PCDHGA9: variants seen among roughly 807,000 people sequenced by gnomAD.
PCDHGA9 encodes the protein protocadherin gamma-A9.
A neutral mutation model predicts 62.5 loss-of-function variants in PCDHGA9; 37 were observed. That is an observed-to-expected ratio of 0.59 (90% CI 0.46 to 0.78). The LOEUF is 0.78. Among genes scored for constraint, PCDHGA9 ranks in the 30% least tolerant of loss-of-function variants. The probability of loss-of-function intolerance (pLI) is 0.00; values close to 1 mark genes in which losing one functional copy is unlikely to be tolerated. For missense variants in PCDHGA9, 1,138 were observed against 1,166.2 expected, an observed-to-expected ratio of 0.98 and a Z score of 0.35; for synonymous variants, 459 against 484.6, an observed-to-expected ratio of 0.95 and a Z score of 0.69.
At chr5:141,413,661 T>G (rs2095664313) in intron 1 of PCDHGA9, 1 of 1,613,886 alleles carries the variant, frequency 6.2e-7, no homozygotes. Flanking sequence ...CGGAAGCTAT[T>G]GATCCGGATG....
At chr5:141,482,606 T>G (rs2099569173) in intron 1 of PCDHGA9, among the ~76,000 whole-genome samples, 1 of 146,712 alleles carries the variant, frequency 6.8e-6, no homozygotes, top group African/African-American at 2.6e-5. Context: ...AAAAAACACC[T>G]AAATGAGCCT....
intron 1 of PCDHGA9, chr5:141,416,359 A>G (rs1215806118): frequency 6.6e-6 from 1 of 152,228 alleles, no homozygotes; most frequent in Non-Finnish European, 1.5e-5. Flanking sequence ...TGAGGAGGCT[A>G]TAGAGGGTGA....
intron 1 of PCDHGA9, chr5:141,413,675 G>C (rs773300658): frequency 6.2e-7 from 1 of 1,613,826 alleles, no homozygotes; most frequent in Non-Finnish European, 8.5e-7. Context: ...CCGGATGTGG[G>C]CGTGAACTCC....
intron 1 of PCDHGA9, among the ~76,000 whole-genome samples, chr5:141,464,300 A>G (rs1349155102): frequency 2.0e-5 from 3 of 149,898 alleles, no homozygotes; most frequent in East Asian, 1.9e-4. Context: ...ACTCCATTGT[A>G]TGTGCACATA....
At chr5:141,504,990 C>T (rs1056476591) in intron 2 of PCDHGA9, among the ~76,000 whole-genome samples, 3 of 151,976 alleles carry the variant, frequency 2.0e-5, no homozygotes, top group Non-Finnish European at 2.9e-5. Context: ...GGTGAAACCC[C>T]GTCTGTACTA....
At chr5:141,418,944 C>T in intron 1 of PCDHGA9, 1 of 1,614,026 alleles carries the variant, frequency 6.2e-7, no homozygotes, top group Non-Finnish European at 8.5e-7. Context: ...GATTCCCCTC[C>T]AGGAGTGGTT....
chr5:141,511,049 G>A lies in PCDHGA9; in HGVS notation c.2675G>A (p.Arg892His), dbSNP rs61749029. 408 of 1,614,098 alleles carry A rather than the reference G, an allele frequency of 2.5e-4. No individual in the cohort carries two copies. Among genetic ancestry groups the A allele is most frequent in the South Asian group, 7.2e-4 (66 of 91,094 alleles). Residue 892 changes from arginine (R) to histidine (H), a missense_variant, in exon 4 of 4, where the codon CGC becomes CAC. Transcript: ENST00000573521. ...QFTLQHVPDY[R>H]QNVYIPGSNA... ...ACCCTGCAGCACGTGCCCGACTACC[G>A]CCAGAATGTCTACATCCCAGGCAGC...
chr5:141,504,583 A>G (rs1230825472), intron 2 of PCDHGA9, among the ~76,000 whole-genome samples: 1 of 146,622 alleles, frequency 6.8e-6, no homozygotes, highest in African/African-American at 2.5e-5. Flanking sequence ...CCATCTGCCC[A>G]GGATTCACAG....
At chr5:141,430,179 A>G (rs2097264770) in intron 1 of PCDHGA9, among the ~76,000 whole-genome samples, 1 of 152,158 alleles carries the variant, frequency 6.6e-6, no homozygotes, top group Admixed American at 6.5e-5. Flanking sequence ...ATTTTCCCCA[A>G]ATTATAGCTG....
chr5:141,432,908 C>G lies in PCDHGA9; in HGVS notation c.2424+27532C>G, dbSNP rs757934634. 6.2e-7 allele frequency: 1 copy of G among 1,614,168 alleles called. No homozygotes were observed. Reference sequence around the variant, plus strand: ...CATCTTGCTGCTGGCGCTCAGGCTGCGGCGCTGGCACAAGTCACGCCTGCT... The same window carrying G: ...CATCTTGCTGCTGGCGCTCAGGCTGGGGCGCTGGCACAAGTCACGCCTGCT... On this transcript the variant is annotated intron_variant, in intron 1 of 3. Transcript: ENST00000573521. This position sits in a 1 kb window ranked among gnomAD's most constrained non-coding sequence, Gnocchi z 6.0.
chr5:141,459,992 C>T (rs1327580257), intron 1 of PCDHGA9, among the ~76,000 whole-genome samples: 1 of 152,126 alleles, frequency 6.6e-6, no homozygotes, highest in Admixed American at 6.5e-5. Flanking sequence ...ACAGGAGAAT[C>T]GCTTGAACCC....
chr5:141,414,236 C>T, intron 1 of PCDHGA9: 1 of 1,613,456 alleles, frequency 6.2e-7, no homozygotes. Flanking sequence ...CTGACCATCA[C>T]GTCTCTATTT....
chr5:141,409,541 G>A (rs1485327824), intron 1 of PCDHGA9: 5 of 1,613,852 alleles, frequency 3.1e-6, no homozygotes, highest in South Asian at 1.1e-5. Flanking sequence ...TGACATCAAC[G>A]ACAACGCCCC....
At position 141,487,100 on chromosome 5, in the gene PCDHGA9, C is replaced by T. The variant is rs183291629; in HGVS notation, c.2425-7707C>T. On this transcript the variant is annotated intron_variant, in intron 1 of 3. Coordinates refer to ENST00000573521, the MANE Select transcript of PCDHGA9 (RefSeq NM_018921.3). The surrounding 1 kb of genome is among the most constrained non-coding windows in gnomAD (Gnocchi z 5.0). ...CCCAGCTGACCTCCCACCACAGAAG[C>T]TGGTCATTGTGGTAAAGGATAGTGG... The T allele has an allele frequency of 5.6e-4, 909 of 1,614,074 alleles. 2 individuals carry two copies. Among genetic ancestry groups the T allele is most frequent in the Non-Finnish European group, 1.4e-4 (168 of 1,179,960 alleles).
At chr5:141,488,198 GGACTC>G in intron 1 of PCDHGA9, among the ~76,000 whole-genome samples, 1 of 152,166 alleles carries the variant, frequency 6.6e-6, no homozygotes, top group Non-Finnish European at 1.5e-5. Context: ...CTGGGTCTTA[GGACTC>G]ATATCAAGTC....
intron 1 of PCDHGA9, chr5:141,409,044 T>G (rs2095215005): frequency 6.2e-7 from 1 of 1,613,762 alleles, no homozygotes; most frequent in African/African-American, 1.3e-5. Context: ...AACTACTACT[T>G]CCGAAGCACT....
intron 1 of PCDHGA9, among the ~76,000 whole-genome samples, chr5:141,446,107 T>C (rs1031524158): frequency 6.6e-6 from 1 of 152,130 alleles, no homozygotes; most frequent in Admixed American, 6.5e-5. Flanking sequence ...TATAGATATA[T>C]TTAGGAAATG....
intron 1 of PCDHGA9, among the ~76,000 whole-genome samples, chr5:141,457,612 G>T (rs1011626121): frequency 1.8e-4 from 27 of 152,232 alleles, no homozygotes; most frequent in Non-Finnish European, 2.9e-4. Flanking sequence ...AATTATGAAT[G>T]AACTTTAATC....
At position 141,476,311 on chromosome 5, in the gene PCDHGA9, G is replaced by C. The variant is rs772962568; in HGVS notation, c.2425-18496G>C. ...ATCTCGGTAGCCTCTCAGCCCGCAGGTTCCGGGTGGTGTCTGGAGCTAGCC... is the reference window on the plus strand; with the variant it reads ...ATCTCGGTAGCCTCTCAGCCCGCAGCTTCCGGGTGGTGTCTGGAGCTAGCC... On this transcript the variant is annotated intron_variant, in intron 1 of 3. Transcript: ENST00000573521. The surrounding 1 kb of genome is among the most constrained non-coding windows in gnomAD (Gnocchi z 7.6). 18 of 1,613,680 alleles carry C rather than the reference G, an allele frequency of 1.1e-5. No homozygotes were observed. Among genetic ancestry groups the C allele is most frequent in the African/African-American group, 2.7e-5 (2 of 74,766 alleles).
Sources: allele counts gnomAD v4.1 joint callset (sites outside exome capture counted in the v4.1 genomes callset), GRCh38; gene constraint gnomAD v4.1.1; non-coding constraint Gnocchi (gnomAD v3.1); transcripts MANE v1.5; gene names NCBI Gene and HGNC (gene_info 2026-07-23, HGNC 2026-07-21).